Variants in AKAP6 observed in about 807,000 individuals in gnomAD.
AKAP6 encodes A-kinase anchoring protein 6.
AKAP6 carries 58 observed loss-of-function variants against 188.5 expected under a neutral mutation model. That is an observed-to-expected ratio of 0.31 (90% CI 0.25 to 0.38). The LOEUF is 0.38. Among genes scored for constraint, AKAP6 ranks in the 10% least tolerant of loss-of-function variants. The pLI is 1.00. For missense variants in AKAP6, 2,710 were observed against 2,740.0 expected, an observed-to-expected ratio of 0.99 and a Z score of 0.24; for synonymous variants, 989 against 998.6, an observed-to-expected ratio of 0.99 and a Z score of 0.18.
chr14:32,733,865 T>C (rs1334636342), intron 10 of AKAP6: 2 of 152,162 alleles, frequency 1.3e-5, no homozygotes, highest in Non-Finnish European at 2.9e-5. Context: ...TAGATAAGAA[T>C]GGCAACCTTA....
rs746641447 is a variant in AKAP6 at position 32,545,217 on chromosome 14, TTGTC to T, written c.577-9_577-6del. Reference sequence around the variant, plus strand: ...GTTGCATTTACTGAAACCATTGCCATTGTCTGTTTCAGGGCCGGCTTGATTCTCT... The same window carrying T: ...GTTGCATTTACTGAAACCATTGCCATTGTTTCAGGGCCGGCTTGATTCTCT... On this transcript the variant is annotated splice_polypyrimidine_tract_variant and intron_variant, in intron 3 of 13. Coordinates refer to ENST00000280979, the MANE Select transcript of AKAP6 (RefSeq NM_004274.5). 6.2e-7 allele frequency: 1 copy of T among 1,605,732 alleles called. No homozygotes were observed. The highest frequency in any genetic ancestry group is 1.7e-5 in the Admixed American group (1 of 59,784).
intron 11 of AKAP6, among the ~76,000 whole-genome samples, chr14:32,743,579 A>T (rs2031769416): frequency 6.6e-6 from 1 of 152,140 alleles, no homozygotes; most frequent in Admixed American, 6.6e-5. Flanking sequence ...TGGAAATACT[A>T]TCTTATAACC....
In AKAP6 at chr14:32,607,424, C is replaced by T. The variant is rs531224061; in HGVS notation, c.2730+6632C>T. On this transcript the variant is annotated intron_variant, in intron 7 of 13. Transcript: ENST00000280979. ...AAACAAGAGCACAGGTATATGTTAT[C>T]GAAAGAAACCAGAAATGATCTAGTA... Among the ~76,000 whole-genome samples the T allele has an allele frequency of 6.7e-4, 102 of 152,094 alleles. No individual in the cohort carries two copies. In the Middle Eastern group the frequency reaches 0.017, roughly 26 times the overall value.
At chr14:32,688,293 A>T (rs1285886214) in intron 8 of AKAP6, among the ~76,000 whole-genome samples, 4 of 152,186 alleles carry the variant, frequency 2.6e-5, no homozygotes, top group Non-Finnish European at 4.4e-5. Context: ...AATCTGATTT[A>T]TTTCATTTTA....
At chr14:32,555,614 G>A (rs1883654045) in intron 4 of AKAP6, among the ~76,000 whole-genome samples, 1 of 152,036 alleles carries the variant, frequency 6.6e-6, no homozygotes, top group African/African-American at 2.4e-5. Context: ...TCTCCCTGCT[G>A]TCCTCGGGTA....
In AKAP6 at chr14:32,546,775, C is replaced by G. The variant is rs772073844; in HGVS notation, c.2122C>G (p.Leu708Val). Residue 708 changes from leucine (L) to valine (V), a missense_variant, in exon 4 of 14, where the codon CTA becomes GTA. Around this residue, in one of 2 missense-constraint regions of AKAP6, gnomAD observed 2,473 missense variants for 2,426.1 expected, o/e 1.02. Coordinates refer to ENST00000280979, the MANE Select transcript of AKAP6 (RefSeq NM_004274.5). ...PSSSSDIASS[L>V]GESIESGPLS... is the part of the protein sequence containing the mutation. ...CTCATCTAGTGACATAGCCTCTTCA[C>G]TAGGGGAGAGCATTGAATCTGGGCC... 2.5e-6 allele frequency: 4 copies of G among 1,614,100 alleles called. No individual in the cohort carries two copies. Among genetic ancestry groups the G allele is most frequent in the Non-Finnish European group, 3.4e-6 (4 of 1,180,016 alleles).
At chr14:32,787,667 CT>C (rs1325188806) in intron 12 of AKAP6, among the ~76,000 whole-genome samples, 1 of 152,078 alleles carries the variant, frequency 6.6e-6, no homozygotes, top group Non-Finnish European at 1.5e-5. Flanking sequence ...TATGTAATTA[CT>C]TGTACTTAAT....
chr14:32,580,366 G>C (rs1439760751), intron 5 of AKAP6, among the ~76,000 whole-genome samples: 2 of 151,936 alleles, frequency 1.3e-5, no homozygotes, highest in Admixed American at 6.6e-5. Flanking sequence ...TGCAAGTGTT[G>C]AACATTCCCT....
chr14:32,451,959 A>C (rs1385921547), intron 2 of AKAP6, among the ~76,000 whole-genome samples: 1 of 148,150 alleles, frequency 6.7e-6, no homozygotes, highest in Non-Finnish European at 1.5e-5. Context: ...TTTCTACTTT[A>C]CCAACTATAA....
intron 2 of AKAP6, among the ~76,000 whole-genome samples, chr14:32,480,515 T>C (rs987122357): frequency 6.6e-6 from 1 of 152,230 alleles, no homozygotes; most frequent in African/African-American, 2.4e-5. Flanking sequence ...TTTCTTACTG[T>C]AATTTGTAGA....
chr14:32,559,107 T>C (rs1007297132), intron 4 of AKAP6, among the ~76,000 whole-genome samples: 2 of 152,206 alleles, frequency 1.3e-5, no homozygotes, highest in South Asian at 2.1e-4. Flanking sequence ...ATCAATACTA[T>C]TGAATGCATG....
At chr14:32,336,369 T>C (rs1412488615) in intron 1 of AKAP6, among the ~76,000 whole-genome samples, 1 of 152,154 alleles carries the variant, frequency 6.6e-6, no homozygotes, top group Non-Finnish European at 1.5e-5. Context: ...TGATACTCAC[T>C]ATGTCCATCA....
chr14:32,707,733 A>T (rs138174847), intron 9 of AKAP6, among the ~76,000 whole-genome samples: 1 of 152,196 alleles, frequency 6.6e-6, no homozygotes, highest in African/African-American at 2.4e-5. Flanking sequence ...TATGCTATCA[A>T]TTCATTACTT....
At chr14:32,682,200 G>A (rs1038678565) in intron 8 of AKAP6, among the ~76,000 whole-genome samples, 13 of 152,126 alleles carry the variant, frequency 8.5e-5, no homozygotes, top group Non-Finnish European at 1.3e-4. Flanking sequence ...GGGCTAGGTC[G>A]GCAGAAGTGC....
chr14:32,485,531 T>C (rs1039816391), intron 2 of AKAP6, among the ~76,000 whole-genome samples: 2 of 152,200 alleles, frequency 1.3e-5, no homozygotes, highest in African/African-American at 4.8e-5. Flanking sequence ...GGTATCTCAT[T>C]GTGGTTTTGA....
intron 2 of AKAP6, among the ~76,000 whole-genome samples, chr14:32,526,460 T>G (rs1882132618): frequency 6.6e-6 from 1 of 152,182 alleles, no homozygotes; most frequent in South Asian, 2.1e-4. Context: ...CTCAAACTCA[T>G]GAACTCAAGT....
intron 7 of AKAP6, among the ~76,000 whole-genome samples, chr14:32,662,785 A>G (rs1017090917): frequency 2.0e-5 from 3 of 152,108 alleles, no homozygotes; most frequent in African/African-American, 7.2e-5. Flanking sequence ...ATATTTGCTT[A>G]AGAGTTTTAG....
intron 7 of AKAP6, among the ~76,000 whole-genome samples, chr14:32,674,128 G>A (rs914595982): frequency 2.0e-5 from 3 of 152,164 alleles, no homozygotes; most frequent in Non-Finnish European, 4.4e-5. Flanking sequence ...AAGGTCCTGA[G>A]GCAAGAAAGG....
At chr14:32,381,819 G>A (rs1951681) in intron 1 of AKAP6, among the ~76,000 whole-genome samples, 8,621 of 151,984 alleles carry the variant, frequency 0.057, 365 homozygotes, top group East Asian at 0.11. Context: ...CTAATGACTT[G>A]TGTACCCAAG....
Sources: allele counts gnomAD v4.1 joint callset (sites outside exome capture counted in the v4.1 genomes callset), GRCh38; gene constraint gnomAD v4.1.1; regional missense constraint gnomAD v4.1.1; transcripts MANE v1.5; gene names NCBI Gene and HGNC (gene_info 2026-07-23, HGNC 2026-07-21).